VCL: variants seen among roughly 807,000 people sequenced by gnomAD.
VCL encodes epididymis luminal protein 114.
A neutral mutation model predicts 125.7 loss-of-function variants in VCL; 47 were observed. The ratio of observed to expected loss-of-function variants is 0.37; its 90% CI spans 0.30 to 0.48. The LOEUF (loss-of-function observed/expected upper bound fraction) is 0.48. Ranked by LOEUF, VCL falls within the 20% of genes least tolerant of loss-of-function variation. The pLI is 0.99. For missense variants in VCL, 1,069 were observed against 1,455.5 expected, an observed-to-expected ratio of 0.73 and a Z score of 4.32; for synonymous variants, 458 against 514.6, an observed-to-expected ratio of 0.89 and a Z score of 1.49.
chr10:74,114,633 G>A (rs1392287288), intron 20 of VCL, among the ~76,000 whole-genome samples, 162 bp from the exon 21 acceptor site: 4 of 151,650 alleles, frequency 2.6e-5, no homozygotes, highest in Non-Finnish European at 5.9e-5. Context: ...GAAATGGATT[G>A]TACTGACCCT....
rs1238734369 is a variant in VCL, at chr10:74,087,587, C to T, written c.1023-1609C>T. On this transcript the variant is annotated intron_variant, in intron 8 of 21. Coordinates refer to ENST00000211998, the MANE Select transcript of VCL (RefSeq NM_014000.3). ...GTGTTAGCCAGGATGGTCTCGATCT[C>T]GTGACCTCGTGATCCGCCCACCTTG... Among the ~76,000 whole-genome samples, 7 of 144,456 alleles carry T rather than the reference C, an allele frequency of 4.8e-5. No homozygotes were observed. The East Asian group carries it at 1.3e-3, about 26-fold the overall frequency. The allele number at this position is 144,456 out of a possible 152,430, so 94.8% of individuals were successfully genotyped here. A position where few individuals can be genotyped will look rare whatever the true frequency, so the allele number is the denominator to read the frequency against.
intron 1 of VCL, among the ~76,000 whole-genome samples, chr10:74,030,716 T>C (rs1276485774): frequency 6.6e-6 from 1 of 152,250 alleles, no homozygotes; most frequent in East Asian, 1.9e-4. Context: ...CAGATCCAAA[T>C]TGCTGCCAGA....
intron 1 of VCL, among the ~76,000 whole-genome samples, chr10:74,040,304 C>G (rs1841070861): frequency 6.6e-6 from 1 of 152,086 alleles, no homozygotes; most frequent in Admixed American, 6.6e-5. Flanking sequence ...TAAACAGTAC[C>G]TGGCTCATGT....
In VCL at chr10:74,090,018, T is replaced by C. The variant is rs370860265; in HGVS notation, c.1177-5T>C. 5.1e-5 allele frequency: 83 copies of C among 1,614,084 alleles called. No homozygotes were observed. The highest frequency in any genetic ancestry group is 1.0e-5 in the Non-Finnish European group (12 of 1,180,040). On this transcript the variant is annotated splice_region_variant and splice_polypyrimidine_tract_variant and intron_variant, in intron 9 of 21. Coordinates refer to ENST00000211998, the MANE Select transcript of VCL (RefSeq NM_014000.3). Reference sequence around the variant, plus strand: ...AGCGTGCTGCTTCTCCGTTTCTATGTGTAGAACTGGCTTGCAGATCCAAAT... The same window carrying C: ...AGCGTGCTGCTTCTCCGTTTCTATGCGTAGAACTGGCTTGCAGATCCAAAT...
chr10:74,059,170 C>T (rs946003403), intron 2 of VCL, among the ~76,000 whole-genome samples: 1 of 152,110 alleles, frequency 6.6e-6, no homozygotes, highest in African/African-American at 2.4e-5. Context: ...GTCTGGCCAA[C>T]ATGGTGAAAC....
chr10:74,055,912 A>C (rs960861429), intron 2 of VCL, among the ~76,000 whole-genome samples: 1 of 152,190 alleles, frequency 6.6e-6, no homozygotes, highest in Non-Finnish European at 1.5e-5. Context: ...AAAGAACAGG[A>C]CTGGTTATTC....
intron 6 of VCL, chr10:74,077,778 C>T (rs1239218811): frequency 1.3e-5 from 6 of 452,124 alleles, no homozygotes; most frequent in South Asian, 6.3e-5. Context: ...GGTAAAAGTG[C>T]GTCTTGCCGA....
At chr10:74,020,839 T>TAAA (rs1422010399) in intron 1 of VCL, among the ~76,000 whole-genome samples, 3 of 12,576 alleles carry the variant, frequency 2.4e-4, no homozygotes, top group Admixed American at 1.9e-3. Context: ...AGACCTTGTC[T>TAAA]CAAAAAAAAA....
At chr10:74,109,281 G>T (rs1228427208) in intron 18 of VCL, 125 bp downstream of exon 18, 1 of 1,196,446 alleles carries the variant, frequency 8.4e-7, no homozygotes, top group African/African-American at 1.5e-5. Context: ...TTCCTGTGTT[G>T]CCAATAGCAT....
rs1841419152 is a variant in VCL, at chr10:74,058,083, G to A, written c.240-12587G>A. Among the ~76,000 whole-genome samples the A allele has an allele frequency of 1.3e-5, 2 of 152,130 alleles. 1 individual carries two copies. The highest frequency in any genetic ancestry group is 4.1e-4 in the South Asian group (2 of 4,820). On this transcript the variant is annotated intron_variant, in intron 2 of 21. Transcript: ENST00000211998. ...GACCCTGACAGGATGGGAAGGGAAGGGAAGATCTCAACAAGGGCTAAGAAA... is the reference window on the plus strand; with the variant it reads ...GACCCTGACAGGATGGGAAGGGAAGAGAAGATCTCAACAAGGGCTAAGAAA...
chr10:74,037,999 C>CTTTTTTT (rs56198344), intron 1 of VCL, among the ~76,000 whole-genome samples: 1 of 130,060 alleles, frequency 7.7e-6, no homozygotes, highest in East Asian at 2.0e-4. Flanking sequence ...CTTTTCTTTT[C>CTTTTTTT]TTTTTTTTTT....
In VCL at chr10:74,049,523, G is replaced by A. The variant is rs145619377; in HGVS notation, c.239+6370G>A. 3.7e-3 allele frequency among the ~76,000 whole-genome samples: 558 copies of A among 152,262 alleles called. 4 individuals carry two copies. Among genetic ancestry groups the A allele is most frequent in the African/African-American group, 0.012 (510 of 41,550 alleles). On this transcript the variant is annotated intron_variant, in intron 2 of 21. Coordinates refer to ENST00000211998, the MANE Select transcript of VCL (RefSeq NM_014000.3). ...TATAAGTAGGAATAGTAGAAAGAGC[G>A]TTTATGTAGGAAGTGGGGCTTGGGA...
At chr10:74,085,754 T>C (rs559920739) in intron 8 of VCL, among the ~76,000 whole-genome samples, 5 of 152,284 alleles carry the variant, frequency 3.3e-5, no homozygotes, top group African/African-American at 1.2e-4. Flanking sequence ...AGGGTCTACA[T>C]ACAAACAGGG....
chr10:74,104,992 G>C, intron 15 of VCL, 59 bp from the exon 16 acceptor site: 1 of 1,581,680 alleles, frequency 6.3e-7, no homozygotes, highest in Non-Finnish European at 8.6e-7. Flanking sequence ...GGATAACAGT[G>C]TTTTGGAGTT....
chr10:74,011,632 T>A (rs1462164396), intron 1 of VCL, among the ~76,000 whole-genome samples: 1 of 152,204 alleles, frequency 6.6e-6, no homozygotes, highest in African/African-American at 2.4e-5. Flanking sequence ...GATTATCTCT[T>A]GCCTCCACTG....
At chr10:74,098,292 A>C (rs750692172) in intron 13 of VCL, among the ~76,000 whole-genome samples, 2 of 152,166 alleles carry the variant, frequency 1.3e-5, no homozygotes, top group African/African-American at 2.4e-5. Context: ...CACTAAGATA[A>C]CACCACCACC....
chr10:74,114,954 T>A, intron 21 of VCL, 55 bp downstream of exon 21: 1 of 1,494,928 alleles, frequency 6.7e-7, no homozygotes, highest in Non-Finnish European at 9.1e-7. Flanking sequence ...CGTTTTGCAG[T>A]AATTTAACTC....
intron 4 of VCL, among the ~76,000 whole-genome samples, chr10:74,072,475 A>G (rs1442302229): frequency 6.6e-6 from 1 of 152,100 alleles, no homozygotes; most frequent in East Asian, 1.9e-4. Context: ...ATTCATTTAG[A>G]TGTTTAATAT....
chr10:73,999,215 A>G (rs1204525602), intron 1 of VCL, among the ~76,000 whole-genome samples: 1 of 152,136 alleles, frequency 6.6e-6, no homozygotes, highest in Non-Finnish European at 1.5e-5. Flanking sequence ...TCCTCCTGGC[A>G]GGAAGCAAGA....
Sources: allele counts gnomAD v4.1 joint callset (sites outside exome capture counted in the v4.1 genomes callset), GRCh38; gene constraint gnomAD v4.1.1; transcripts MANE v1.5; gene names NCBI Gene and HGNC (gene_info 2026-07-23, HGNC 2026-07-21).